INPP5A: variants seen among roughly 807,000 people sequenced by gnomAD.
INPP5A encodes inositol polyphosphate-5-phosphatase A.
A neutral mutation model predicts 65.2 loss-of-function variants in INPP5A; 14 were observed. The observed-to-expected ratio is 0.21, with a 90% CI of 0.14 to 0.34. The LOEUF is 0.34. Among genes scored for constraint, INPP5A ranks in the 10% least tolerant of loss-of-function variants. INPP5A has a pLI of 1.00. For missense variants in INPP5A, 431 were observed against 545.6 expected, an observed-to-expected ratio of 0.79 and a Z score of 2.09; for synonymous variants, 207 against 208.3, an observed-to-expected ratio of 0.99 and a Z score of 0.05.
chr10:132,633,843 T>C (rs934487707), intron 2 of INPP5A, among the ~76,000 whole-genome samples: 5 of 152,206 alleles, frequency 3.3e-5, no homozygotes, highest in African/African-American at 7.2e-5. Context: ...AGCAAACTTA[T>C]TGTGACGATT....
intron 9 of INPP5A, among the ~76,000 whole-genome samples, chr10:132,729,546 G>A (rs1172000613): frequency 6.6e-6 from 1 of 152,196 alleles, no homozygotes; most frequent in Admixed American, 6.5e-5. Context: ...CCAGTTTCAG[G>A]TCTGGGACCT....
chr10:132,583,019 G>A (rs932736003), intron 1 of INPP5A, among the ~76,000 whole-genome samples: 13 of 152,168 alleles, frequency 8.5e-5, no homozygotes, highest in African/African-American at 2.4e-4. Flanking sequence ...ATCAGTGTGC[G>A]GGGGAGTGAT....
intron 4 of INPP5A, among the ~76,000 whole-genome samples, chr10:132,652,812 C>T (rs775424596): frequency 6.6e-6 from 1 of 152,196 alleles, no homozygotes; most frequent in Non-Finnish European, 1.5e-5. Flanking sequence ...AGCGTGTTGT[C>T]GGGGCTGAGA....
chr10:132,655,033 C>T (rs1413144192), intron 4 of INPP5A, among the ~76,000 whole-genome samples: 4 of 152,262 alleles, frequency 2.6e-5, no homozygotes, highest in Non-Finnish European at 5.9e-5. Context: ...GAGGCTGAGT[C>T]TGGGATGGAC....
At chr10:132,757,555 C>T (rs1463887395) in intron 11 of INPP5A, among the ~76,000 whole-genome samples, 13 of 152,368 alleles carry the variant, frequency 8.5e-5, no homozygotes, top group South Asian at 4.1e-4. Flanking sequence ...ACAGCGAAAT[C>T]GCCTAAGGGT....
At chr10:132,553,134 T>C (rs1325956296) in intron 1 of INPP5A, among the ~76,000 whole-genome samples, 4 of 108,404 alleles carry the variant, frequency 3.7e-5, no homozygotes, top group Non-Finnish European at 7.5e-5. Flanking sequence ...TTGGGTAGGA[T>C]AGGGAGGGAG....
In INPP5A at chr10:132,697,886, G is replaced by GA. The variant is rs1281915300; in HGVS notation, c.443dup (p.Glu149GlyfsTer31). On this transcript the variant is annotated frameshift_variant, in exon 6 of 16. Transcript: ENST00000368594. LOFTEE classifies it high-confidence loss of function. The surrounding 1 kb of genome is among the most constrained non-coding windows in gnomAD (Gnocchi z 5.6). ...CCTTAGAGAGCACGCCCATGCTGGA[G>GA]AAGGAGAAGTTTCCGCAGGACTACT... 6.2e-7 allele frequency: 1 copy of GA among 1,613,702 alleles called. No homozygotes were observed. The highest frequency in any genetic ancestry group is 8.5e-7 in the Non-Finnish European group (1 of 1,179,754).
chr10:132,759,842 C>A (rs528841340), intron 11 of INPP5A, among the ~76,000 whole-genome samples: 31 of 152,312 alleles, frequency 2.0e-4, no homozygotes, highest in African/African-American at 6.7e-4. Flanking sequence ...GTTCAGAGTC[C>A]CCTGGGCCTG....
chr10:132,691,439 G>C (rs1028315033), intron 5 of INPP5A, among the ~76,000 whole-genome samples: 2 of 152,242 alleles, frequency 1.3e-5, no homozygotes, highest in African/African-American at 4.8e-5. Context: ...CGGAGCGGCC[G>C]GCGAGAGTGG....
chr10:132,667,053 C>A (rs528568289), intron 4 of INPP5A, among the ~76,000 whole-genome samples: 1 of 152,334 alleles, frequency 6.6e-6, no homozygotes, highest in South Asian at 2.1e-4. Flanking sequence ...CAAGCTGGGG[C>A]AGACCCGCCA....
intron 1 of INPP5A, among the ~76,000 whole-genome samples, chr10:132,539,320 G>A (rs1224276891): frequency 1.3e-5 from 2 of 152,298 alleles, no homozygotes; most frequent in South Asian, 2.1e-4. Flanking sequence ...TCTTTAGTTC[G>A]TAAATAAGGG....
chr10:132,721,731 C>T (rs1240558956), intron 8 of INPP5A, among the ~76,000 whole-genome samples: 1 of 143,528 alleles, frequency 7.0e-6, no homozygotes, highest in Non-Finnish European at 1.5e-5. Flanking sequence ...CCTTAGACTG[C>T]TGTCTTCAGG....
At chr10:132,747,503 G>A (rs1036924550) in intron 9 of INPP5A, among the ~76,000 whole-genome samples, 4 of 152,240 alleles carry the variant, frequency 2.6e-5, no homozygotes, top group East Asian at 1.9e-4. Context: ...TCGGGCTGCC[G>A]AAGGGCTCCA....
chr10:132,759,230 C>T (rs1292502784), intron 11 of INPP5A, among the ~76,000 whole-genome samples: 1 of 151,834 alleles, frequency 6.6e-6, no homozygotes, highest in Non-Finnish European at 1.5e-5. Context: ...GTCCCCAGGC[C>T]CCTCAGTGCC....
intron 2 of INPP5A, among the ~76,000 whole-genome samples, chr10:132,635,041 G>T (rs894604596): frequency 1.5e-4 from 23 of 152,250 alleles, no homozygotes; most frequent in Admixed American, 1.3e-4. Context: ...GAGAGTTCCA[G>T]TCTGTGGCAT....
intron 5 of INPP5A, among the ~76,000 whole-genome samples, chr10:132,691,743 G>A (rs1564967168): frequency 1.3e-5 from 2 of 152,348 alleles, no homozygotes; most frequent in East Asian, 1.9e-4. Flanking sequence ...CTGAGCACGT[G>A]GTGCGTCAGG....
intron 9 of INPP5A, among the ~76,000 whole-genome samples, chr10:132,732,612 G>T (rs571419023): frequency 5.3e-5 from 8 of 152,318 alleles, no homozygotes; most frequent in African/African-American, 1.4e-4. Flanking sequence ...TGAGCACCTG[G>T]ATCCCATGGC....
chr10:132,776,473 G>A (rs772476161), intron 12 of INPP5A, among the ~76,000 whole-genome samples: 18 of 152,322 alleles, frequency 1.2e-4, no homozygotes, highest in Non-Finnish European at 2.4e-4. Context: ...GGATGGACCC[G>A]AAACCCAATC....
intron 6 of INPP5A, among the ~76,000 whole-genome samples, chr10:132,701,687 G>A (rs942187542): frequency 6.6e-5 from 10 of 152,204 alleles, no homozygotes; most frequent in African/African-American, 1.9e-4. Flanking sequence ...CCGTGGGGGC[G>A]TGGCCTCTGG....
Sources: allele counts gnomAD v4.1 joint callset (sites outside exome capture counted in the v4.1 genomes callset), GRCh38; gene constraint gnomAD v4.1.1; non-coding constraint Gnocchi (gnomAD v3.1); transcripts MANE v1.5; gene names NCBI Gene and HGNC (gene_info 2026-07-23, HGNC 2026-07-21).